Variants in BAHCC1 observed in about 807,000 individuals in gnomAD.
The protein encoded by BAHCC1 is BAH domain and coiled-coil containing 1.
BAHCC1 carries 43 observed loss-of-function variants against 88.2 expected under a neutral mutation model. That is an observed-to-expected ratio of 0.49 (90% CI 0.38 to 0.63). The LOEUF is 0.63. Ranked by LOEUF, BAHCC1 falls within the 20% of genes least tolerant of loss-of-function variation. The probability of loss-of-function intolerance (pLI) is 0.00; values close to 1 mark genes in which losing one functional copy is unlikely to be tolerated. For missense variants in BAHCC1, 3,023 were observed against 1,654.8 expected, an observed-to-expected ratio of 1.83 and a Z score of -14.34; for synonymous variants, 1,510 against 745.5, an observed-to-expected ratio of 2.03 and a Z score of -16.71.
intron 2 of BAHCC1, among the ~76,000 whole-genome samples, chr17:81,418,200 G>A (rs986542269): frequency 6.6e-6 from 1 of 152,218 alleles, no homozygotes; most frequent in Non-Finnish European, 1.5e-5. Context: ...GTGTGCAGTC[G>A]GGACAGAGCG....
At chr17:81,397,430 C>T (rs374459774) in intron 1 of BAHCC1, among the ~76,000 whole-genome samples, 230 of 151,480 alleles carry the variant, frequency 1.5e-3, no homozygotes, top group South Asian at 0.015. Flanking sequence ...AAAACAAAAG[C>T]ACAGCACACA....
intron 2 of BAHCC1, among the ~76,000 whole-genome samples, chr17:81,423,995 T>G (rs1235647405): frequency 6.6e-6 from 1 of 152,150 alleles, no homozygotes; most frequent in Non-Finnish European, 1.5e-5. Context: ...GACCCAGAGG[T>G]GAGCGCCATC....
Position 81,435,345 on chromosome 17 carries a change from T to A in BAHCC1, c.359-3025T>A. On this transcript the variant is annotated intron_variant, in intron 3 of 27. Coordinates refer to ENST00000675386, the MANE Select transcript of BAHCC1 (RefSeq NM_001377448.1). This position sits in a 1 kb window ranked among gnomAD's most constrained non-coding sequence, Gnocchi z 4.4. ...AGTCTGTCCCATCACAGGACTGAGT[T>A]TGGAGTCTCCTGCCCACCGCAGTAG... is the stretch of plus-strand genomic sequence containing the variant. 1 of 438,872 alleles carries A rather than the reference T, an allele frequency of 2.3e-6. No individual in the cohort carries two copies. Among genetic ancestry groups the A allele is most frequent in the South Asian group, 1.6e-5 (1 of 62,442 alleles). 27.2% of individuals were successfully genotyped at this position (438,872 alleles called of 1,614,324 possible).
In BAHCC1 at chr17:81,435,366, A is replaced by T; in HGVS notation, c.359-3004A>T. 2 of 458,014 alleles carry T rather than the reference A, an allele frequency of 4.4e-6. No individual in the cohort carries two copies. The highest frequency in any genetic ancestry group is 4.7e-5 in the Admixed American group (2 of 42,106). The allele number at this position is 458,014 out of a possible 1,614,324, so 28.4% of individuals were successfully genotyped here. ...GAGTTTGGAGTCTCCTGCCCACCGC[A>T]GTAGCAGGGGCAGGATGTGGGGACC... On this transcript the variant is annotated intron_variant, in intron 3 of 27. Transcript: ENST00000675386. The surrounding 1 kb of genome is among the most constrained non-coding windows in gnomAD (Gnocchi z 4.4).
rs1555657669 is a variant in BAHCC1, at chr17:81,457,593, G to A, written c.5041+1G>A. The A allele has an allele frequency of 1.4e-6, 1 of 726,462 alleles. No homozygotes were observed. Among genetic ancestry groups the A allele is most frequent in the Admixed American group, 1.9e-5 (1 of 51,496 alleles). The allele number at this position is 726,462 out of a possible 1,614,324, so 45.0% of individuals were successfully genotyped here. On this transcript the variant is annotated splice_donor_variant, in intron 17 of 27. Transcript: ENST00000675386. LOFTEE classifies it high-confidence loss of function. ...AAGAAGGAGAGGCAGGGGTTGCTAG[G>A]TAACCAGGAGGGAGGACAGGGGTTG...
At position 81,435,051 on chromosome 17, in the gene BAHCC1, C is replaced by G. The variant is rs1045264186; in HGVS notation, c.359-3319C>G. ...CTGGCCGTCCCCAGCCCCCATTTCT[C>G]TGCACGGTGCCCTCCCACTCCTCTG... On this transcript the variant is annotated intron_variant, in intron 3 of 27. Coordinates refer to ENST00000675386, the MANE Select transcript of BAHCC1 (RefSeq NM_001377448.1). The surrounding 1 kb of genome is among the most constrained non-coding windows in gnomAD (Gnocchi z 4.4). 5.3e-5 allele frequency among the ~76,000 whole-genome samples: 8 copies of G among 152,152 alleles called. No individual in the cohort carries two copies. The South Asian group carries it at 1.7e-3, about 32-fold the overall frequency.
intron 2 of BAHCC1, among the ~76,000 whole-genome samples, chr17:81,416,506 T>C (rs111155284): frequency 0.021 from 70 of 3,362 alleles, no homozygotes; most frequent in South Asian, 0.025. Flanking sequence ...TGTGCATGTG[T>C]GCGTGTGTGT....
At chr17:81,427,558 C>T (rs1049358535) in intron 3 of BAHCC1, among the ~76,000 whole-genome samples, 2 of 152,100 alleles carry the variant, frequency 1.3e-5, no homozygotes, top group Non-Finnish European at 1.5e-5. Flanking sequence ...CTCCTGGAGG[C>T]CCCCCTGGCC....
intron 2 of BAHCC1, chr17:81,401,956 C>T (rs954126044): frequency 1.3e-5 from 2 of 152,390 alleles, no homozygotes; most frequent in African/African-American, 4.8e-5. Flanking sequence ...TGGCCTAGCC[C>T]TTTGTCTTGC....
At chr17:81,412,355 T>C (rs1479638491) in intron 2 of BAHCC1, among the ~76,000 whole-genome samples, 1 of 152,264 alleles carries the variant, frequency 6.6e-6, no homozygotes, top group Non-Finnish European at 1.5e-5. Context: ...ATTTTTGGGC[T>C]AACTCTTAAA....
At chr17:81,444,223 C>G in intron 6 of BAHCC1, 158 bp from the exon 7 acceptor site, 1 of 612,676 alleles carries the variant, frequency 1.6e-6, no homozygotes, top group Non-Finnish European at 2.9e-6. Context: ...GTCCCGTTCT[C>G]CCTCCCAGGT....
chr17:81,428,779 C>T (rs1281203700), intron 3 of BAHCC1, among the ~76,000 whole-genome samples: 3 of 152,236 alleles, frequency 2.0e-5, no homozygotes, highest in African/African-American at 7.2e-5. Context: ...GGCGGAGCTG[C>T]CCACATCCCA....
intron 16 of BAHCC1, among the ~76,000 whole-genome samples, chr17:81,456,829 G>A (rs1386234035): frequency 5.9e-5 from 9 of 152,104 alleles, no homozygotes; most frequent in East Asian, 1.9e-4. Context: ...TGTCAGGGCC[G>A]AAGGGGAAGG....
intron 4 of BAHCC1, 127 bp from the exon 5 acceptor site, chr17:81,441,704 C>T (rs2064419815): frequency 6.5e-6 from 3 of 463,280 alleles, no homozygotes; most frequent in East Asian, 6.3e-5. Flanking sequence ...CAAAAACCTT[C>T]CCTAGGCTGT....
rs2064510946 is a variant in BAHCC1, at chr17:81,445,603, G to A, written c.3085G>A (p.Gly1029Ser). 3 of 728,666 alleles carry A rather than the reference G, an allele frequency of 4.1e-6. No homozygotes were observed. Among genetic ancestry groups the A allele is most frequent in the Non-Finnish European group, 5.1e-6 (2 of 392,154 alleles). 45.1% of individuals were successfully genotyped at this position (728,666 alleles called of 1,614,324 possible). A position where few individuals can be genotyped will look rare whatever the true frequency, so the allele number is the denominator to read the frequency against. ...NVCPASSPGPGSRVRSAEEKN... is the reference protein window; with the variant it reads ...NVCPASSPGPSSRVRSAEEKN... Reference sequence around the variant, plus strand: ...CTGCCCTGCCAGCAGCCCCGGGCCTGGCTCCCGGGTGCGCAGCGCCGAGGA... The same window carrying A: ...CTGCCCTGCCAGCAGCCCCGGGCCTAGCTCCCGGGTGCGCAGCGCCGAGGA... Residue 1029 changes from glycine (G) to serine (S), a missense_variant, in exon 10 of 28, where the codon GGC becomes AGC. Physicochemically the swap from Gly to Ser is moderately conservative, Grantham distance 56. Coordinates refer to ENST00000675386, the MANE Select transcript of BAHCC1 (RefSeq NM_001377448.1).
intron 2 of BAHCC1, among the ~76,000 whole-genome samples, chr17:81,403,402 G>A (rs2063840275): frequency 6.6e-6 from 1 of 151,946 alleles, no homozygotes; most frequent in South Asian, 2.1e-4. Context: ...TATTGTGGGA[G>A]AAAGGCGAAG....
rs782816495 is a variant in BAHCC1, at chr17:81,442,406, C to G, written c.1057C>G (p.Pro353Ala). 1.4e-6 allele frequency: 1 copy of G among 694,434 alleles called. No individual in the cohort carries two copies. Among genetic ancestry groups the G allele is most frequent in the South Asian group, 1.5e-5 (1 of 65,164 alleles). The allele number at this position is 694,434 out of a possible 1,614,324, so 43.0% of individuals were successfully genotyped here. A position where few individuals can be genotyped will look rare whatever the true frequency, so the allele number is the denominator to read the frequency against. ...MLHHTASYAG[P>A]PPPLSTAAGS... ...ACACCACACCGCATCCTACGCCGGG[C>G]CACCCCCGCCCCTCAGCACAGCCGC... Residue 353 changes from proline to alanine, a missense_variant, in exon 5 of 28, where the codon CCA becomes GCA. By Grantham distance (27) the Pro-to-Ala change is conservative. Transcript: ENST00000675386.
chr17:81,432,013 G>A (rs972897806), intron 3 of BAHCC1, among the ~76,000 whole-genome samples: 73 of 152,306 alleles, frequency 4.8e-4, no homozygotes, highest in Non-Finnish European at 9.3e-4. Context: ...GGTGGGCAGG[G>A]CAGGGGTCGT....
At chr17:81,398,714 C>G (rs2063771438) in intron 1 of BAHCC1, among the ~76,000 whole-genome samples, 1 of 152,202 alleles carries the variant, frequency 6.6e-6, no homozygotes, top group Non-Finnish European at 1.5e-5. Context: ...GCTCCCGGCT[C>G]CGGGACAGCA....
Sources: gnomAD v4.1 joint callset for allele counts (sites outside exome capture counted in the v4.1 genomes callset) on GRCh38, gnomAD v4.1.1 for gene constraint, Gnocchi (gnomAD v3.1) non-coding constraint, MANE v1.5 for transcripts, NCBI Gene and HGNC (gene_info 2026-07-23, HGNC 2026-07-21) for gene names.